PDE6C: variants seen among roughly 807,000 people sequenced by gnomAD.
The protein encoded by PDE6C is phosphodiesterase 6C.
Under a neutral mutation model 113.1 loss-of-function variants are expected in PDE6C, and 75 were observed. The ratio of observed to expected loss-of-function variants is 0.66; its 90% confidence interval spans 0.55 to 0.80. The LOEUF (loss-of-function observed/expected upper bound fraction) is 0.80, where lower values mean the gene tolerates loss of function less well. PDE6C is among the 30% of genes least tolerant of loss of function. PDE6C has a pLI of 0.00. For synonymous variants in PDE6C, 375 were observed against 363.7 expected (o/e 1.03, Z -0.35); for missense variants, 912 against 1,038.6 (o/e 0.88, Z 1.67).
intron 8 of PDE6C, among the ~76,000 whole-genome samples, chr10:93,630,029 A>G (rs1439849207): frequency 1.3e-5 from 2 of 152,094 alleles, no homozygotes; most frequent in Non-Finnish European, 2.9e-5. Flanking sequence ...GCTACCTCCT[A>G]CATCCTGAAT....
chr10:93,622,041 C>T lies in PDE6C; in HGVS notation c.833C>T (p.Ser278Phe), dbSNP rs1344288054. Reference sequence around the variant, plus strand: ...TCATATCTGAACTGTGAACGATACTCCATTGGACTGCTGGACATGACCAAG... The same window carrying T: ...TCATATCTGAACTGTGAACGATACTTCATTGGACTGCTGGACATGACCAAG... ...VRSYLNCERY[S>F]IGLLDMTKEK... Residue 278 changes from serine to phenylalanine, a missense_variant, in exon 4 of 22, where the codon TCC (serine) becomes TTC (phenylalanine). By Grantham distance (155) the Ser-to-Phe change is radical (BLOSUM62 -2). Coordinates refer to ENST00000371447, the MANE Select transcript of PDE6C (RefSeq NM_006204.4). The T allele has an allele frequency of 1.9e-6, 3 of 1,614,070 alleles. No homozygotes were observed. The highest frequency in any genetic ancestry group is 3.3e-5 in the Admixed American group (2 of 60,026).
chr10:93,640,272 T>C, intron 12 of PDE6C, 56 bp downstream of exon 12: 1 of 1,513,648 alleles, frequency 6.6e-7, no homozygotes, highest in South Asian at 1.1e-5. Context: ...GCTTCACTGA[T>C]GTTTTCTGTG....
At chr10:93,645,707 T>A (rs1301654464) in intron 14 of PDE6C, among the ~76,000 whole-genome samples, 1 of 152,162 alleles carries the variant, frequency 6.6e-6, no homozygotes, top group African/African-American at 2.4e-5. Flanking sequence ...AGAATTTAGA[T>A]ACAAGGAGCT....
chr10:93,643,118 A>G lies in PDE6C; in HGVS notation c.1847+2089A>G, dbSNP rs1330655357. ...TCACAGCACAGTGAAGGGAGGTGCC[A>G]TATAGGAGGTACTAGTATCCCCCAC... On this transcript the variant is annotated intron_variant, in intron 14 of 21. Transcript: ENST00000371447. Among the ~76,000 whole-genome samples the G allele has an allele frequency of 2.0e-5, 3 of 152,178 alleles. No individual in the cohort carries two copies. The East Asian group carries it at 5.8e-4, about 29-fold the overall frequency.
chr10:93,660,444 G>A (rs2058660898), intron 18 of PDE6C, among the ~76,000 whole-genome samples: 1 of 152,056 alleles, frequency 6.6e-6, no homozygotes, highest in South Asian at 2.1e-4. Context: ...TTGTGTCTCT[G>A]GCTCCTTTCC....
At chr10:93,629,170 C>T in intron 7 of PDE6C, 88 bp from the exon 8 acceptor site, 7 of 1,085,606 alleles carry the variant, frequency 6.4e-6, no homozygotes, top group Non-Finnish European at 1.0e-5. Context: ...ATCCTCACTC[C>T]CAATGCGTTC....
chr10:93,613,136 A>T lies in PDE6C; in HGVS notation c.411A>T (p.Pro137=), dbSNP rs764439225. 6 of 1,614,134 alleles carry T rather than the reference A, an allele frequency of 3.7e-6. No homozygotes were observed. The highest frequency in any genetic ancestry group is 5.1e-6 in the Non-Finnish European group (6 of 1,180,036). The stretch of plus-strand genomic sequence containing the variant: ...GCCCTGACAAAGAAGTTGTGTTTCC[A>T]TTGGACATTGGGATAGTGGGTTGGG... ...LVGPDKEVVF[P]LDIGIVGWAA... is the part of the protein sequence containing the mutation. The change falls in exon 1 of 22, where the codon CCA becomes CCT. Residue 137 remains proline (P), a synonymous_variant. Transcript: ENST00000371447.
At chr10:93,660,425 T>G (rs1266283339) in intron 18 of PDE6C, among the ~76,000 whole-genome samples, 1 of 152,212 alleles carries the variant, frequency 6.6e-6, no homozygotes, top group African/African-American at 2.4e-5. Flanking sequence ...CAGATTCTTC[T>G]TGGCATCTTT....
At chr10:93,618,066 G>C (rs1039153415) in intron 1 of PDE6C, among the ~76,000 whole-genome samples, 1 of 152,150 alleles carries the variant, frequency 6.6e-6, no homozygotes, top group African/African-American at 2.4e-5. Flanking sequence ...TGGCATGAGT[G>C]AGGGAGTGTG....
At chr10:93,648,774 A>G (rs2058595953) in intron 15 of PDE6C, among the ~76,000 whole-genome samples, 1 of 152,198 alleles carries the variant, frequency 6.6e-6, no homozygotes, top group Non-Finnish European at 1.5e-5. Flanking sequence ...ACTAGAATAT[A>G]CTGTAGAAAT....
chr10:93,649,463 T>G (rs955092080), intron 15 of PDE6C, among the ~76,000 whole-genome samples: 1 of 152,184 alleles, frequency 6.6e-6, no homozygotes, highest in Non-Finnish European at 1.5e-5. Flanking sequence ...CTAATGAACC[T>G]CATTGCAGTC....
chr10:93,642,966 G>A (rs1200467330), intron 14 of PDE6C, among the ~76,000 whole-genome samples: 1 of 152,136 alleles, frequency 6.6e-6, no homozygotes, highest in Non-Finnish European at 1.5e-5. Flanking sequence ...CAAGTCCCCT[G>A]ACAGTCACTG....
At chr10:93,663,389 C>T (rs1368876469) in intron 21 of PDE6C, among the ~76,000 whole-genome samples, 1 of 152,114 alleles carries the variant, frequency 6.6e-6, no homozygotes, top group African/African-American at 2.4e-5. Flanking sequence ...TCGAATTGAC[C>T]GGTCCAGTTG....
intron 1 of PDE6C, among the ~76,000 whole-genome samples, chr10:93,613,690 TA>T (rs1446122090): frequency 6.6e-6 from 1 of 152,386 alleles, no homozygotes; most frequent in East Asian, 1.9e-4. Context: ...GATTTGCTAG[TA>T]AATCAATTCT....
chr10:93,616,469 A>G (rs1273660777), intron 1 of PDE6C, among the ~76,000 whole-genome samples: 1 of 152,190 alleles, frequency 6.6e-6, no homozygotes, highest in Non-Finnish European at 1.5e-5. Flanking sequence ...CCCCTAAGAA[A>G]TGGAGATAAG....
At chr10:93,629,802 C>T (rs899631993) in intron 8 of PDE6C, among the ~76,000 whole-genome samples, 12 of 152,146 alleles carry the variant, frequency 7.9e-5, no homozygotes, top group Admixed American at 3.9e-4. Flanking sequence ...GGAGCTCAGA[C>T]GGTAATGTGA....
At chr10:93,660,242 T>G (rs1422883093) in intron 18 of PDE6C, among the ~76,000 whole-genome samples, 1 of 152,150 alleles carries the variant, frequency 6.6e-6, no homozygotes, top group Non-Finnish European at 1.5e-5. Context: ...GCGTACACGT[T>G]TATTTGTTTT....
chr10:93,627,940 G>A (rs758512205), intron 7 of PDE6C, among the ~76,000 whole-genome samples: 6 of 152,176 alleles, frequency 3.9e-5, no homozygotes, highest in Admixed American at 1.3e-4. Flanking sequence ...TTACCTTGGG[G>A]CCGAGAGGCA....
chr10:93,640,302 T>G (rs2058552927), intron 12 of PDE6C, 86 bp downstream of exon 12: 8 of 1,387,920 alleles, frequency 5.8e-6, no homozygotes, highest in Middle Eastern at 1.9e-4. Flanking sequence ...ATGGACTCAG[T>G]TTGAATTTTA....
Sources: gnomAD v4.1 joint callset for allele counts (sites outside exome capture counted in the v4.1 genomes callset) on GRCh38, gnomAD v4.1.1 for gene constraint, MANE v1.5 for transcripts, NCBI Gene and HGNC (gene_info 2026-07-23, HGNC 2026-07-21) for gene names.